Variants in PARD3B observed in about 807,000 individuals in gnomAD.
The protein encoded by PARD3B is partitioning defective 3 homolog B.
Under a neutral mutation model 130.2 loss-of-function variants are expected in PARD3B, and 103 were observed. The observed-to-expected ratio is 0.79, with a 90% CI of 0.67 to 0.93. The LOEUF (loss-of-function observed/expected upper bound fraction) is 0.93. PARD3B is among the 40% of genes least tolerant of loss of function. The pLI, the probability that PARD3B is intolerant of heterozygous loss-of-function variation, is 0.00. For missense variants in PARD3B, 1,609 were observed against 1,499.2 expected (o/e 1.07, Z -1.21); for synonymous variants, 583 against 553.2 (o/e 1.05, Z -0.76).
chr2:204,579,219 A>G (rs2032421470), intron 1 of PARD3B, among the ~76,000 whole-genome samples: 1 of 152,050 alleles, frequency 6.6e-6, no homozygotes, highest in South Asian at 2.1e-4. Flanking sequence ...CACACTCTAG[A>G]GGTTTTAAGA....
rs1022804915 is a variant in PARD3B at position 205,274,345 on chromosome 2, G to A, written c.2186-26185G>A. Among the ~76,000 whole-genome samples, 6 of 151,920 alleles carry A rather than the reference G, an allele frequency of 3.9e-5. No homozygotes were observed. Among genetic ancestry groups the A allele is most frequent in the African/African-American group, 1.4e-4 (6 of 41,392 alleles). On this transcript the variant is annotated intron_variant, in intron 16 of 22. Transcript: ENST00000406610. This position sits in a 1 kb window ranked among gnomAD's most constrained non-coding sequence, Gnocchi z 4.2. ...AGAAAATTTGCAAGAATAATCAGCT[G>A]ATTTCATTCCTGATGTATAAAGGAA... is the stretch of plus-strand genomic sequence containing the variant.
chr2:204,552,454 G>C (rs143309421), intron 1 of PARD3B, among the ~76,000 whole-genome samples: 66 of 152,330 alleles, frequency 4.3e-4, no homozygotes, highest in African/African-American at 1.6e-3. Flanking sequence ...TTTTTAGTGA[G>C]ATTTAGATGC....
At chr2:204,869,560 A>G (rs1168594328) in intron 2 of PARD3B, among the ~76,000 whole-genome samples, 1 of 152,172 alleles carries the variant, frequency 6.6e-6, no homozygotes, top group East Asian at 1.9e-4. Flanking sequence ...ATATTTAGGA[A>G]TACCTAGGAA....
At position 205,253,873 on chromosome 2, in the gene PARD3B, G is replaced by A. The variant is rs995697272; in HGVS notation, c.2185+8051G>A. Among the ~76,000 whole-genome samples, 121 of 152,170 alleles carry A rather than the reference G, an allele frequency of 8.0e-4. 2 individuals carry two copies. Among genetic ancestry groups the A allele is most frequent in the Middle Eastern group, 3.4e-3 (1 of 294 alleles). ...TGCTGAGAAAGTAGAATTCATAGTG[G>A]AGAACTGCATTTCAATTAAGAAAAC... is the stretch of plus-strand genomic sequence containing the variant. On this transcript the variant is annotated intron_variant, in intron 16 of 22. Transcript: ENST00000406610. The surrounding 1 kb of genome is among the most constrained non-coding windows in gnomAD (Gnocchi z 4.4).
chr2:204,569,563 T>C (rs553482570), intron 1 of PARD3B, among the ~76,000 whole-genome samples: 1 of 152,336 alleles, frequency 6.6e-6, no homozygotes, highest in Admixed American at 6.5e-5. Flanking sequence ...GCGGTGTCCA[T>C]TGGTGCTGCC....
intron 10 of PARD3B, among the ~76,000 whole-genome samples, chr2:205,131,185 A>G (rs1200742248): frequency 1.3e-5 from 2 of 152,212 alleles, no homozygotes; most frequent in African/African-American, 4.8e-5. Flanking sequence ...AAAAATGAAT[A>G]TTATAGCAGT....
At position 205,057,247 on chromosome 2, in the gene PARD3B, T is replaced by C. The variant is rs192926421; in HGVS notation, c.504+9557T>C. On this transcript the variant is annotated intron_variant, in intron 4 of 22. Transcript: ENST00000406610. ...TGTATATGTGTTATATACATATACATGTGTTATACGTATATGTTATATGTA... is the reference window on the plus strand; with the variant it reads ...TGTATATGTGTTATATACATATACACGTGTTATACGTATATGTTATATGTA... 1.5e-4 allele frequency among the ~76,000 whole-genome samples: 23 copies of C among 150,520 alleles called. 1 individual carries two copies. Among genetic ancestry groups the C allele is most frequent in the African/African-American group, 5.3e-4 (22 of 41,172 alleles).
chr2:204,564,807 A>G (rs948927553), intron 1 of PARD3B, among the ~76,000 whole-genome samples: 3 of 152,232 alleles, frequency 2.0e-5, no homozygotes, highest in Admixed American at 6.5e-5. Flanking sequence ...TTGGAAAGGG[A>G]GAAGCATTTT....
chr2:205,208,488 A>T (rs1441586869), intron 15 of PARD3B, among the ~76,000 whole-genome samples: 5 of 145,404 alleles, frequency 3.4e-5, no homozygotes, highest in Admixed American at 6.7e-5. Context: ...TCAGGCCAAA[A>T]TCTCCTTAAG....
chr2:204,745,940 C>T (rs550196141), intron 2 of PARD3B, among the ~76,000 whole-genome samples: 67 of 151,698 alleles, frequency 4.4e-4, no homozygotes, highest in Admixed American at 7.2e-4. Context: ...AAAAAAAGGG[C>T]GTAAAACGAA....
chr2:205,059,343 A>G (rs1442715619), intron 4 of PARD3B, among the ~76,000 whole-genome samples: 1 of 152,034 alleles, frequency 6.6e-6, no homozygotes, highest in Non-Finnish European at 1.5e-5. Flanking sequence ...GAAGGACCCT[A>G]TGTATGAGAG....
chr2:205,445,182 G>T (rs193150678), intron 20 of PARD3B, among the ~76,000 whole-genome samples: 78 of 152,178 alleles, frequency 5.1e-4, no homozygotes, highest in Admixed American at 3.9e-3. Flanking sequence ...CTTGCCCAAG[G>T]TCACACAGCA....
chr2:205,372,084 C>T (rs1185011389), intron 18 of PARD3B, among the ~76,000 whole-genome samples: 3 of 152,036 alleles, frequency 2.0e-5, no homozygotes, highest in African/African-American at 7.2e-5. Flanking sequence ...GGGTGGTTTC[C>T]ACCTTTTGTC....
rs1455190458 is a variant in PARD3B, at chr2:205,397,033, A to G, written c.2631-3980A>G. Among the ~76,000 whole-genome samples, 1 of 152,164 alleles carries G rather than the reference A, an allele frequency of 6.6e-6. No individual in the cohort carries two copies. Among genetic ancestry groups the G allele is most frequent in the East Asian group, 1.9e-4 (1 of 5,200 alleles). On this transcript the variant is annotated intron_variant, in intron 18 of 22. Transcript: ENST00000406610. The surrounding 1 kb of genome is among the most constrained non-coding windows in gnomAD (Gnocchi z 4.8). ...TCCCCCTCACTCTCTCCCCCGGTCC[A>G]CTACTGCCACTACTGATAATTAAGT...
At chr2:205,127,636 C>T (rs888467140) in intron 10 of PARD3B, among the ~76,000 whole-genome samples, 1 of 152,154 alleles carries the variant, frequency 6.6e-6, no homozygotes, top group Non-Finnish European at 1.5e-5. Context: ...ATGGAATTTT[C>T]TTTCTCCCTT....
At chr2:204,738,952 T>C (rs1240202312) in intron 2 of PARD3B, among the ~76,000 whole-genome samples, 3 of 152,204 alleles carry the variant, frequency 2.0e-5, no homozygotes, top group Non-Finnish European at 4.4e-5. Flanking sequence ...TGATGTCTCA[T>C]CATATGCACA....
chr2:204,749,128 T>G (rs1432132397), intron 2 of PARD3B, among the ~76,000 whole-genome samples: 1 of 152,110 alleles, frequency 6.6e-6, no homozygotes, highest in Non-Finnish European at 1.5e-5. Flanking sequence ...TTATCTCAAG[T>G]GCAAAAGTGC....
chr2:204,750,595 C>CACATACAT lies in PARD3B; in HGVS notation c.222+64345_222+64352dup, dbSNP rs138390138. Among the ~76,000 whole-genome samples the CACATACAT allele has an allele frequency of 3.1e-3, 465 of 149,666 alleles. 2 individuals carry two copies. Among genetic ancestry groups the CACATACAT allele is most frequent in the East Asian group, 0.021 (104 of 5,024 alleles). On this transcript the variant is annotated intron_variant, in intron 2 of 22. Coordinates refer to ENST00000406610, the MANE Select transcript of PARD3B (RefSeq NM_001302769.2). ...AGTGAAACGCTGTTTCAAAAATACA[C>CACATACAT]ACATACATACATACATACATACATA...
intron 16 of PARD3B, among the ~76,000 whole-genome samples, chr2:205,273,219 A>T (rs1241151046): frequency 2.0e-5 from 3 of 152,218 alleles, no homozygotes; most frequent in African/African-American, 7.2e-5. Context: ...TCACTTTAAC[A>T]GTTGCAGCTA....
Sources: allele counts gnomAD v4.1 joint callset (sites outside exome capture counted in the v4.1 genomes callset), GRCh38; gene constraint gnomAD v4.1.1; non-coding constraint Gnocchi (gnomAD v3.1); transcripts MANE v1.5; gene names NCBI Gene and HGNC (gene_info 2026-07-23, HGNC 2026-07-21).